The following SEL1L3 variants were observed in gnomAD, a reference collection of about 807,000 sequenced individuals.
SEL1L3 encodes protein sel-1 homolog 3.
Under a neutral mutation model 142.8 loss-of-function variants are expected in SEL1L3, and 76 were observed. The observed-to-expected ratio is 0.53, with a 90% CI of 0.44 to 0.64. SEL1L3 has a LOEUF of 0.64. SEL1L3 is among the 30% of genes least tolerant of loss of function. The pLI, the probability that SEL1L3 is intolerant of heterozygous loss-of-function variation, is 0.00. For synonymous variants in SEL1L3, 504 were observed against 519.6 expected, an observed-to-expected ratio of 0.97 and a Z score of 0.41; for missense variants, 1,262 against 1,381.7, an observed-to-expected ratio of 0.91 and a Z score of 1.37.
At chr4:25,722,370 T>C in the SEL1L3 span, among the ~76,000 whole-genome samples, 38,968 of 152,048 alleles carry the variant, frequency 0.26, 7,322 homozygotes, top group African/African-American at 0.53. Context: ...TTGCAACTAC[T>C]GAGTCTTAAT....
At chr4:25,834,402 G>C (rs1189033657) in intron 3 of SEL1L3, among the ~76,000 whole-genome samples, 1 of 152,216 alleles carries the variant, frequency 6.6e-6, no homozygotes, top group Non-Finnish European at 1.5e-5. Flanking sequence ...CATGGATCAA[G>C]GTCAAAATGA....
intron 1 of SEL1L3, among the ~76,000 whole-genome samples, chr4:25,861,553 T>C (rs899890150): frequency 6.6e-6 from 1 of 152,182 alleles, no homozygotes; most frequent in Non-Finnish European, 1.5e-5. Context: ...CTAAGCAGTT[T>C]TTAGCTTCCA....
the SEL1L3 span, among the ~76,000 whole-genome samples, chr4:25,729,758 G>A: frequency 2.0e-5 from 3 of 152,038 alleles, no homozygotes; most frequent in Non-Finnish European, 4.4e-5. Context: ...AACCCATTTA[G>A]CATAAAACCC....
chr4:25,842,003 A>G (rs931552880), intron 2 of SEL1L3, among the ~76,000 whole-genome samples: 26 of 152,168 alleles, frequency 1.7e-4, no homozygotes, highest in African/African-American at 6.0e-4. Context: ...GCACTTTGAC[A>G]GTGCCTGGCA....
chr4:25,760,703 T>C (rs1213842793), intron 20 of SEL1L3, among the ~76,000 whole-genome samples: 5 of 152,162 alleles, frequency 3.3e-5, no homozygotes, highest in Admixed American at 1.3e-4. Flanking sequence ...GCAATCTAAA[T>C]GAAAATCATC....
chr4:25,863,292 C>T, upstream of SEL1L3: 1 of 456,916 alleles, frequency 2.2e-6, no homozygotes, highest in Non-Finnish European at 3.9e-6. Context: ...CTGCGATCCC[C>T]CTCCTCTCCC....
At chr4:25,817,913 T>C (rs1043329861) in intron 9 of SEL1L3, among the ~76,000 whole-genome samples, 1 of 152,208 alleles carries the variant, frequency 6.6e-6, no homozygotes, top group African/African-American at 2.4e-5. Flanking sequence ...AAAGAATTGC[T>C]TGAGCGATTC....
chr4:25,832,807 G>T (rs564985293), intron 5 of SEL1L3, among the ~76,000 whole-genome samples, 188 bp downstream of exon 5: 6 of 152,318 alleles, frequency 3.9e-5, no homozygotes, highest in African/African-American at 1.2e-4. Flanking sequence ...TTAATTAAAT[G>T]GGATGGGATT....
the SEL1L3 span, chr4:25,720,531 A>G: frequency 6.6e-6 from 1 of 152,208 alleles, no homozygotes; most frequent in Non-Finnish European, 1.5e-5. Context: ...ATCAGGAGAT[A>G]GAGACGTATA....
intron 9 of SEL1L3, among the ~76,000 whole-genome samples, chr4:25,812,770 T>C (rs1444980286): frequency 2.7e-5 from 4 of 149,808 alleles, no homozygotes; most frequent in African/African-American, 9.8e-5. Flanking sequence ...CCCAGCACTT[T>C]GGGAGGCTGA....
intron 1 of SEL1L3, among the ~76,000 whole-genome samples, chr4:25,848,625 T>C (rs1227348064): frequency 6.6e-6 from 1 of 152,152 alleles, no homozygotes; most frequent in African/African-American, 2.4e-5. Flanking sequence ...GATTCAAGTA[T>C]CCAAAACACA....
At chr4:25,720,917 T>G in the SEL1L3 span, 1 of 151,826 alleles carries the variant, frequency 6.6e-6, no homozygotes, top group South Asian at 2.1e-4. Flanking sequence ...TTCTAAGGAG[T>G]AGAGGGGAAA....
chr4:25,762,107 C>T (rs1718412953), intron 20 of SEL1L3, among the ~76,000 whole-genome samples: 1 of 152,192 alleles, frequency 6.6e-6, no homozygotes, highest in African/African-American at 2.4e-5. Context: ...CACCACCACG[C>T]CCAGCTAATT....
the SEL1L3 span, chr4:25,720,894 T>C: frequency 1.3e-5 from 2 of 152,138 alleles, no homozygotes. Flanking sequence ...TACAGATGTA[T>C]TTAGGAGAGG....
At chr4:25,781,755 G>GATTA (rs1560295314) in intron 15 of SEL1L3, among the ~76,000 whole-genome samples, 26 of 152,246 alleles carry the variant, frequency 1.7e-4, no homozygotes, top group African/African-American at 6.3e-4. Context: ...ACATAAGAGG[G>GATTA]CACATGGTAG....
intron 20 of SEL1L3, among the ~76,000 whole-genome samples, chr4:25,763,793 G>A (rs1009284872): frequency 6.6e-6 from 1 of 152,150 alleles, no homozygotes; most frequent in Non-Finnish European, 1.5e-5. Context: ...TGAGCTGAGT[G>A]TGCCACTGCA....
rs1197818249 is a variant in SEL1L3 at position 25,843,814 on chromosome 4, C to A, written c.733+3480G>T. 2.0e-5 allele frequency among the ~76,000 whole-genome samples: 3 copies of A among 152,242 alleles called. No homozygotes were observed. In the East Asian group the frequency reaches 5.8e-4, roughly 29 times the overall value. On this transcript the variant is annotated intron_variant, in intron 2 of 23. Transcript: ENST00000399878. Reference sequence around the variant, plus strand: ...CTGCTGCGTCTCCACCAAAAATCAGCCTCATGGCCTGGCCGGGTCTGGCCT... The same window carrying A: ...CTGCTGCGTCTCCACCAAAAATCAGACTCATGGCCTGGCCGGGTCTGGCCT...
intron 11 of SEL1L3, among the ~76,000 whole-genome samples, chr4:25,794,540 C>A (rs571685667): frequency 6.6e-6 from 1 of 152,152 alleles, no homozygotes; most frequent in South Asian, 2.1e-4. Context: ...GTCAGAATGG[C>A]GATTATTAAC....
rs752289944 is a variant in SEL1L3, at chr4:25,802,457, C to T, written c.1782G>A (p.Met594Ile). The change falls in exon 11 of 24, where the codon ATG (methionine) becomes ATA (isoleucine). Residue 594 changes from methionine to isoleucine, a missense_variant. Physicochemically the swap from Met to Ile is conservative, Grantham distance 10. Around this residue, in one of 3 missense-constraint regions of SEL1L3, gnomAD observed 435 missense variants for 559.2 expected, o/e 0.78. Transcript: ENST00000399878. The part of the protein sequence containing the change: ...LNVPRDQLQG[M>I]LYSLVGGQGS... ...CCTGGCCTCCAACCAAACTATACAA[C>T]ATGCCCTGTTAGGAAGAAATTGACA... The T allele has an allele frequency of 6.2e-7, 1 of 1,611,240 alleles. No individual in the cohort carries two copies. Among genetic ancestry groups the T allele is most frequent in the Non-Finnish European group, 8.5e-7 (1 of 1,178,296 alleles).
Sources: allele counts gnomAD v4.1 joint callset (sites outside exome capture counted in the v4.1 genomes callset), GRCh38; gene constraint gnomAD v4.1.1; regional missense constraint gnomAD v4.1.1; transcripts MANE v1.5; gene names NCBI Gene and HGNC (gene_info 2026-07-23, HGNC 2026-07-21).